Variants in PIK3R5 observed in about 807,000 individuals in gnomAD.
PIK3R5 encodes the protein phosphoinositide 3-kinase regulatory subunit 5.
Under a neutral mutation model 94.9 loss-of-function variants are expected in PIK3R5, and 32 were observed. The observed-to-expected ratio is 0.34, with a 90% CI of 0.25 to 0.45. The LOEUF (loss-of-function observed/expected upper bound fraction) is 0.45, where lower values mean the gene tolerates loss of function less well. Among genes scored for constraint, PIK3R5 ranks in the 20% least tolerant of loss-of-function variants. The pLI, the probability that PIK3R5 is intolerant of heterozygous loss-of-function variation, is 1.00. For missense variants in PIK3R5, 853 were observed against 1,144.6 expected, an observed-to-expected ratio of 0.75 and a Z score of 3.68; for synonymous variants, 443 against 479.4, an observed-to-expected ratio of 0.92 and a Z score of 0.99.
intron 1 of PIK3R5, chr17:8,916,119 G>A (rs1433675847): frequency 6.6e-6 from 1 of 152,336 alleles, no homozygotes; most frequent in African/African-American, 2.4e-5. Context: ...GGACTTGCCT[G>A]AGCCACTAGC....
Position 8,907,628 on chromosome 17 carries a change from CAA to C in PIK3R5, c.204+1444_204+1445del, listed in dbSNP as rs1231640150. On this transcript the variant is annotated intron_variant, in intron 3 of 18. Transcript: ENST00000447110. ...TGCATTGGTTTTTATCTTTTTTTAACAAAAAAAAAAAAAAAGAGAGAGAGAGA... is the reference window on the plus strand; with the variant it reads ...TGCATTGGTTTTTATCTTTTTTTAACAAAAAAAAAAAAAGAGAGAGAGAGA... Among the ~76,000 whole-genome samples the C allele has an allele frequency of 4.9e-4, 46 of 94,718 alleles. 1 individual carries two copies. The highest frequency in any genetic ancestry group is 3.3e-3 in the South Asian group (10 of 3,010). The allele number at this position is 94,718 out of a possible 152,430, so 62.1% of individuals were successfully genotyped here.
chr17:8,901,653 C>A (rs931462969), intron 5 of PIK3R5, among the ~76,000 whole-genome samples: 7 of 152,076 alleles, frequency 4.6e-5, no homozygotes, highest in South Asian at 4.1e-4. Flanking sequence ...GGACCTGGTG[C>A]ATGTATACAT....
chr17:8,947,143 G>C (rs7210598), intron 1 of PIK3R5, among the ~76,000 whole-genome samples: 1 of 151,184 alleles, frequency 6.6e-6, no homozygotes, highest in South Asian at 2.1e-4. Context: ...GGCTTTTCTC[G>C]TGTGCATCAA....
chr17:8,920,177 C>A (rs1156957710), intron 1 of PIK3R5, among the ~76,000 whole-genome samples: 1 of 152,176 alleles, frequency 6.6e-6, no homozygotes, highest in Non-Finnish European at 1.5e-5. Flanking sequence ...AGCCACCATG[C>A]CCGGCCCAGA....
intron 1 of PIK3R5, among the ~76,000 whole-genome samples, chr17:8,961,361 G>A (rs1332406950): frequency 2.0e-5 from 3 of 152,028 alleles, no homozygotes; most frequent in Non-Finnish European, 2.9e-5. Flanking sequence ...CAGGCCGGGC[G>A]CGGTTGCTCA....
At chr17:8,891,985 C>T (rs1056957880) in intron 6 of PIK3R5, among the ~76,000 whole-genome samples, 6 of 152,308 alleles carry the variant, frequency 3.9e-5, no homozygotes, top group Middle Eastern at 3.4e-3. Flanking sequence ...CAGTTAACAA[C>T]GCACGGCTGT....
intron 1 of PIK3R5, among the ~76,000 whole-genome samples, chr17:8,934,903 G>C (rs1567663249): frequency 6.6e-6 from 1 of 152,102 alleles, no homozygotes; most frequent in African/African-American, 2.4e-5. Context: ...TGGCTCACTG[G>C]ACCCCAAGAG....
At chr17:8,928,952 T>C (rs2090938314) in intron 1 of PIK3R5, among the ~76,000 whole-genome samples, 1 of 152,156 alleles carries the variant, frequency 6.6e-6, no homozygotes, top group Non-Finnish European at 1.5e-5. Flanking sequence ...TGAGTAAATA[T>C]TTAAGACAAT....
chr17:8,899,915 G>A (rs2090242874), intron 5 of PIK3R5, among the ~76,000 whole-genome samples: 1 of 152,118 alleles, frequency 6.6e-6, no homozygotes, highest in Non-Finnish European at 1.5e-5. Flanking sequence ...GTGCACGCCT[G>A]TAGTCCCAGC....
At chr17:8,940,542 T>G (rs117799244) in intron 1 of PIK3R5, among the ~76,000 whole-genome samples, 3 of 151,860 alleles carry the variant, frequency 2.0e-5, no homozygotes, top group Non-Finnish European at 4.4e-5. Context: ...GCTAAGGTTT[T>G]TTTGTTTGTT....
At chr17:8,959,204 T>C (rs1017579931) in intron 1 of PIK3R5, among the ~76,000 whole-genome samples, 1 of 152,170 alleles carries the variant, frequency 6.6e-6, no homozygotes, top group Non-Finnish European at 1.5e-5. Flanking sequence ...TCGCTACCAG[T>C]GTCCTCTACA....
chr17:8,905,048 C>A lies in PIK3R5; in HGVS notation c.274-133G>T, dbSNP rs565966406. 1.0e-5 allele frequency: 10 copies of A among 978,970 alleles called. No individual in the cohort carries two copies. In the South Asian group the frequency reaches 1.5e-4, roughly 15 times the overall value. The allele number at this position is 978,970 out of a possible 1,614,324, so 60.6% of individuals were successfully genotyped here. Reference sequence around the variant, plus strand: ...TTCCTGGCCGCAGCGTGTCCCAGGACAAGGTCAGGTGGAACTGGAAGTTAC... The same window carrying A: ...TTCCTGGCCGCAGCGTGTCCCAGGAAAAGGTCAGGTGGAACTGGAAGTTAC... On this transcript the variant is annotated intron_variant, in intron 4 of 18. Coordinates refer to ENST00000447110, the MANE Select transcript of PIK3R5 (RefSeq NM_001142633.3).
intron 1 of PIK3R5, among the ~76,000 whole-genome samples, chr17:8,942,866 A>C (rs60736442): frequency 0.056 from 8,558 of 151,830 alleles, 308 homozygotes; most frequent in African/African-American, 0.11. Context: ...TCGGCCTCCC[A>C]AAGTGCTGGG....
At chr17:8,947,712 AAG>A (rs766193068) in intron 1 of PIK3R5, among the ~76,000 whole-genome samples, 4 of 152,146 alleles carry the variant, frequency 2.6e-5, no homozygotes, top group Admixed American at 6.6e-5. Context: ...GGTGATACGA[AAG>A]AGAGAGAATG....
intron 1 of PIK3R5, among the ~76,000 whole-genome samples, chr17:8,930,294 A>G (rs964367312): frequency 1.3e-5 from 2 of 152,240 alleles, no homozygotes; most frequent in Non-Finnish European, 2.9e-5. Context: ...TAGAAAGATC[A>G]CAGAAAAATC....
chr17:8,891,682 C>G (rs1363284089), intron 6 of PIK3R5, among the ~76,000 whole-genome samples: 1 of 151,728 alleles, frequency 6.6e-6, no homozygotes, highest in Admixed American at 6.6e-5. Flanking sequence ...CTGCAAGCCC[C>G]GCCTCCCGGG....
At position 8,888,802 on chromosome 17, in the gene PIK3R5, C is replaced by A; in HGVS notation, c.985G>T (p.Glu329Ter). 1 of 1,611,132 alleles carries A rather than the reference C, an allele frequency of 6.2e-7. No individual in the cohort carries two copies. Among genetic ancestry groups the A allele is most frequent in the Non-Finnish European group, 8.5e-7 (1 of 1,179,682 alleles). The change falls in exon 10 of 19, where the codon GAG (glutamate) becomes TAG (stop). Residue 329 changes from glutamate (E) to a stop codon, truncating the protein, a stop_gained. Transcript: ENST00000447110. LOFTEE classifies it high-confidence loss of function. This position sits in a 1 kb window ranked among gnomAD's most constrained non-coding sequence, Gnocchi z 7.8. ...DDEEEEEEEE[E>*]VEEDLETDGH... ...TCAGTTTCCAAGTCCTCCTCCACCTCCTCCTCCTCCTCTTCCTCCTCTTCA... is the reference window on the plus strand; with the variant it reads ...TCAGTTTCCAAGTCCTCCTCCACCTACTCCTCCTCCTCTTCCTCCTCTTCA...
Position 8,893,536 on chromosome 17 carries a change from G to C in PIK3R5, c.482+50C>G. 1 of 1,425,934 alleles carries C rather than the reference G, an allele frequency of 7.0e-7. No individual in the cohort carries two copies. The highest frequency in any genetic ancestry group is 2.3e-5 in the East Asian group (1 of 43,972). 88.3% of individuals were successfully genotyped at this position (1,425,934 alleles called of 1,614,324 possible). ...GGAGGGTGAAGGTGGAACAGTGCAG[G>C]GGTCCCAAACTCCCTCCCCACTGTT... On this transcript the variant is annotated intron_variant, in intron 6 of 18. Coordinates refer to ENST00000447110, the MANE Select transcript of PIK3R5 (RefSeq NM_001142633.3). The surrounding 1 kb of genome is among the most constrained non-coding windows in gnomAD (Gnocchi z 5.1).
At position 8,887,623 on chromosome 17, in the gene PIK3R5, C is replaced by G; in HGVS notation, c.1677G>C (p.Val559=). Residue 559 remains valine (V), a synonymous_variant, in exon 11 of 19, where the codon GTG becomes GTC. Coordinates refer to ENST00000447110, the MANE Select transcript of PIK3R5 (RefSeq NM_001142633.3). Reference sequence around the variant, plus strand: ...TGGTCCCATGACTTCGCTTCACAGGCACGTAGAAGAACTGAAGTTTGAAGA... The same window carrying G: ...TGGTCCCATGACTTCGCTTCACAGGGACGTAGAAGAACTGAAGTTTGAAGA... ...TRFFKLQFFY[V]PVKRSHGTSP... 6.2e-7 allele frequency: 1 copy of G among 1,610,086 alleles called. No homozygotes were observed. Among genetic ancestry groups the G allele is most frequent in the East Asian group, 2.2e-5 (1 of 44,788 alleles).
Sources: allele counts gnomAD v4.1 joint callset (sites outside exome capture counted in the v4.1 genomes callset), GRCh38; gene constraint gnomAD v4.1.1; non-coding constraint Gnocchi (gnomAD v3.1); transcripts MANE v1.5; gene names NCBI Gene and HGNC (gene_info 2026-07-23, HGNC 2026-07-21).